ARHGAP22: variants seen among roughly 807,000 people sequenced by gnomAD.
ARHGAP22 encodes the protein Rho GTPase activating protein 22, also known as rho GTPase-activating protein 22.
A neutral mutation model predicts 59.1 loss-of-function variants in ARHGAP22; 48 were observed. That is an observed-to-expected ratio of 0.81 (90% CI 0.64 to 1.03). The LOEUF is 1.03. Among genes scored for constraint, ARHGAP22 ranks in the 50% least tolerant of loss-of-function variants. ARHGAP22 has a pLI of 0.00. For synonymous variants in ARHGAP22, 445 were observed against 416.4 expected (o/e 1.07, Z -0.84); for missense variants, 1,015 against 958.7 (o/e 1.06, Z -0.78).
chr10:48,557,166 C>A (rs1345109), intron 2 of ARHGAP22, among the ~76,000 whole-genome samples: 23,258 of 152,156 alleles, frequency 0.15, 1,878 homozygotes, highest in Admixed American at 0.23. Flanking sequence ...ACTGGAAATA[C>A]ATTAGGATAG....
intron 9 of ARHGAP22, among the ~76,000 whole-genome samples, chr10:48,447,499 T>C (rs1482550344): frequency 6.6e-6 from 1 of 152,172 alleles, no homozygotes; most frequent in African/African-American, 2.4e-5. Context: ...GCATGATGAA[T>C]AAACACGGAT....
chr10:48,475,875 C>T (rs2134017760), intron 4 of ARHGAP22, among the ~76,000 whole-genome samples: 1 of 152,328 alleles, frequency 6.6e-6, no homozygotes, highest in East Asian at 1.9e-4. Context: ...GCCATTCATT[C>T]TTTGGTCTCT....
intron 2 of ARHGAP22, among the ~76,000 whole-genome samples, chr10:48,576,421 T>A (rs2058715368): frequency 6.6e-6 from 1 of 152,246 alleles, no homozygotes; most frequent in African/African-American, 2.4e-5. Flanking sequence ...CTTGTTTAAA[T>A]TTTTAAAATA....
intron 2 of ARHGAP22, among the ~76,000 whole-genome samples, chr10:48,558,615 C>T (rs1416241599): frequency 2.0e-5 from 3 of 152,190 alleles, no homozygotes; most frequent in Non-Finnish European, 2.9e-5. Flanking sequence ...AATCTTCTTG[C>T]CTCGGCCTCC....
At chr10:48,585,906 C>G (rs1201813646) in intron 1 of ARHGAP22, among the ~76,000 whole-genome samples, 1 of 152,208 alleles carries the variant, frequency 6.6e-6, no homozygotes, top group Non-Finnish European at 1.5e-5. Context: ...GAAGGCAAAT[C>G]AGGGAGCTGA....
chr10:48,456,265 G>C (rs1208236456), intron 5 of ARHGAP22, among the ~76,000 whole-genome samples: 1 of 152,164 alleles, frequency 6.6e-6, no homozygotes, highest in African/African-American at 2.4e-5. Flanking sequence ...TCCCAGGCTA[G>C]GCTCACTGAG....
downstream of ARHGAP22, among the ~76,000 whole-genome samples, chr10:48,441,512 C>T (rs1365243248): frequency 2.0e-5 from 3 of 148,250 alleles, no homozygotes; most frequent in South Asian, 2.1e-4. Context: ...AGTGCAGTGA[C>T]GTGATCTCCG....
At chr10:48,609,826 C>T (rs1258183390), upstream of ARHGAP22, among the ~76,000 whole-genome samples, 1 of 152,190 alleles carries the variant, frequency 6.6e-6, no homozygotes, top group Non-Finnish European at 1.5e-5. Context: ...TTTTCCTGCC[C>T]CCTCACCCAT....
At chr10:48,622,015 C>T (rs542171881) in intron 1 of ARHGAP22, among the ~76,000 whole-genome samples, 3 of 152,292 alleles carry the variant, frequency 2.0e-5, no homozygotes, top group African/African-American at 7.2e-5. Flanking sequence ...CTATCACATT[C>T]AACCTATTTG....
At chr10:48,555,614 AG>A in intron 2 of ARHGAP22, 64 bp from the exon 3 acceptor site, 2 of 1,541,886 alleles carry the variant, frequency 1.3e-6, no homozygotes, top group Admixed American at 3.4e-5. Flanking sequence ...TGCTGTCGTC[AG>A]GGTCCCTGGA....
chr10:48,542,959 T>C (rs373507412), intron 3 of ARHGAP22, among the ~76,000 whole-genome samples: 90 of 152,266 alleles, frequency 5.9e-4, no homozygotes, highest in African/African-American at 2.1e-3. Context: ...CATCTCCCTA[T>C]TGGTGCCCAT....
chr10:48,559,830 G>A (rs889239677), intron 2 of ARHGAP22, among the ~76,000 whole-genome samples: 4 of 152,054 alleles, frequency 2.6e-5, no homozygotes, highest in African/African-American at 4.8e-5. Flanking sequence ...AAAATTATTA[G>A]TGAAATAGTT....
In ARHGAP22 at chr10:48,450,931, C is replaced by A. The variant is rs769515348; in HGVS notation, c.1198G>T (p.Ala400Ser). The A allele has an allele frequency of 6.3e-7, 1 of 1,589,082 alleles. No individual in the cohort carries two copies. Among genetic ancestry groups the A allele is most frequent in the South Asian group, 1.1e-5 (1 of 87,366 alleles). Residue 400 changes from alanine to serine, a missense_variant, in exon 9 of 10, where the codon GCC becomes TCC. Physicochemically the swap from Ala to Ser is moderately conservative, Grantham distance 99. Transcript: ENST00000249601. ...AHRTSSLDGA[A>S]VAVLSRTAPT... Reference sequence around the variant, plus strand: ...GCTGTTCTGGAGAGCACCGCCACGGCCGCCCCGTCCAGGGAAGAGGTCCTG... The same window carrying A: ...GCTGTTCTGGAGAGCACCGCCACGGACGCCCCGTCCAGGGAAGAGGTCCTG...
chr10:48,645,980 G>A (rs2062278628), intron 1 of ARHGAP22, among the ~76,000 whole-genome samples: 1 of 152,256 alleles, frequency 6.6e-6, no homozygotes, highest in Middle Eastern at 3.4e-3. Flanking sequence ...AAATCTGCTA[G>A]AACTAATAAG....
intron 2 of ARHGAP22, among the ~76,000 whole-genome samples, chr10:48,566,743 G>T (rs7078307): frequency 0.39 from 58,728 of 152,030 alleles, 12,784 homozygotes; most frequent in East Asian, 0.89. Flanking sequence ...AGCACATGTG[G>T]TGTGCCACAG....
chr10:48,466,070 A>G (rs1163720944), intron 4 of ARHGAP22, among the ~76,000 whole-genome samples: 1 of 152,102 alleles, frequency 6.6e-6, no homozygotes. Context: ...GGAGGAGCAC[A>G]GTAGAGGCTA....
At chr10:48,621,451 A>C (rs959746333) in intron 1 of ARHGAP22, among the ~76,000 whole-genome samples, 2 of 152,220 alleles carry the variant, frequency 1.3e-5, no homozygotes, top group African/African-American at 4.8e-5. Context: ...TCTTATTCAG[A>C]AAATAATTTA....
chr10:48,540,287 A>G (rs1422197489), intron 3 of ARHGAP22, among the ~76,000 whole-genome samples: 1 of 152,254 alleles, frequency 6.6e-6, no homozygotes, highest in Non-Finnish European at 1.5e-5. Context: ...CCCAGGCTGG[A>G]GTGCAATGGC....
intron 5 of ARHGAP22, among the ~76,000 whole-genome samples, chr10:48,458,669 C>A (rs950935347): frequency 6.6e-6 from 1 of 152,188 alleles, no homozygotes; most frequent in African/African-American, 2.4e-5. Context: ...TTATTTGAAG[C>A]AATCTGCAAC....
Sources: allele counts gnomAD v4.1 joint callset (sites outside exome capture counted in the v4.1 genomes callset), GRCh38; gene constraint gnomAD v4.1.1; transcripts MANE v1.5; gene names NCBI Gene and HGNC (gene_info 2026-07-23, HGNC 2026-07-21).